HDAC9: variants seen among roughly 807,000 people sequenced by gnomAD.
The protein encoded by HDAC9 is histone deacetylase 9, also known as MEF-2 interacting transcription repressor (MITR) protein.
HDAC9 carries 41 observed loss-of-function variants against 139.4 expected under a neutral mutation model. The ratio of observed to expected loss-of-function variants is 0.29; its 90% CI spans 0.23 to 0.38. HDAC9 has a LOEUF of 0.38. Among genes scored for constraint, HDAC9 ranks in the 10% least tolerant of loss-of-function variants. HDAC9 has a pLI of 1.00. For synonymous variants in HDAC9, 517 were observed against 476.2 expected, an observed-to-expected ratio of 1.09 and a Z score of -1.12; for missense variants, 1,147 against 1,297.0, an observed-to-expected ratio of 0.88 and a Z score of 1.78.
chr7:18,684,501 C>A (rs1782122109), intron 12 of HDAC9, among the ~76,000 whole-genome samples: 1 of 151,514 alleles, frequency 6.6e-6, no homozygotes, highest in Non-Finnish European at 1.5e-5. Context: ...AACAATAAAA[C>A]TATACTGAAA....
intron 1 of HDAC9, among the ~76,000 whole-genome samples, chr7:18,481,737 T>C (rs1395986100): frequency 1.3e-5 from 2 of 152,216 alleles, no homozygotes; most frequent in Non-Finnish European, 2.9e-5. Flanking sequence ...AATGATGAGT[T>C]GTGATATGAA....
intron 16 of HDAC9, among the ~76,000 whole-genome samples, chr7:18,780,734 T>A (rs564971340): frequency 6.6e-6 from 1 of 152,152 alleles, no homozygotes; most frequent in East Asian, 1.9e-4. Context: ...GATTCTTTGG[T>A]TCTCATCCTT....
At chr7:18,669,412 C>T (rs1308774687) in intron 12 of HDAC9, among the ~76,000 whole-genome samples, 1 of 151,448 alleles carries the variant, frequency 6.6e-6, no homozygotes, top group Non-Finnish European at 1.5e-5. Context: ...ATTATAATAC[C>T]AGTGTGAGGA....
At chr7:18,636,667 AC>A (rs1333366506) in intron 8 of HDAC9, among the ~76,000 whole-genome samples, 1 of 151,922 alleles carries the variant, frequency 6.6e-6, no homozygotes, top group Non-Finnish European at 1.5e-5. Flanking sequence ...CTATCCTGTT[AC>A]CCCTCTTTAT....
At position 18,972,369 on chromosome 7, in the gene HDAC9, CTTTTTTTT is replaced by C. The variant is rs199909134; in HGVS notation, c.3023-3415_3023-3408del. ...TTAGCTCAATTTTCGATGAACTTCT[CTTTTTTTT>C]TTTTTTTTTTTTTTTTTTTTTGAGA... On this transcript the variant is annotated intron_variant, in intron 24 of 25. Transcript: ENST00000686413. 2.1e-3 allele frequency among the ~76,000 whole-genome samples: 195 copies of C among 94,886 alleles called. 1 individual carries two copies. Among genetic ancestry groups the C allele is most frequent in the Admixed American group, 3.7e-3 (31 of 8,310 alleles). The allele number at this position is 94,886 out of a possible 152,430, so 62.2% of individuals were successfully genotyped here.
At chr7:18,484,408 G>A (rs1165809707) in intron 1 of HDAC9, among the ~76,000 whole-genome samples, 3 of 151,700 alleles carry the variant, frequency 2.0e-5, no homozygotes, top group African/African-American at 7.3e-5. Flanking sequence ...TGATAATCAT[G>A]GGTTCTCATT....
chr7:18,147,147 G>A (rs1436924685), intron 1 of HDAC9, among the ~76,000 whole-genome samples: 1 of 151,796 alleles, frequency 6.6e-6, no homozygotes, highest in Non-Finnish European at 1.5e-5. Flanking sequence ...TTGTCTGAAA[G>A]GTGACAGTAT....
At chr7:18,931,706 T>C (rs185030937) in intron 22 of HDAC9, among the ~76,000 whole-genome samples, 1 of 152,302 alleles carries the variant, frequency 6.6e-6, no homozygotes, top group Admixed American at 6.5e-5. Context: ...CAACCTAATT[T>C]AGTTTCAGGC....
At chr7:18,226,555 A>T (rs577985287) in intron 2 of HDAC9, among the ~76,000 whole-genome samples, 1 of 152,214 alleles carries the variant, frequency 6.6e-6, no homozygotes, top group East Asian at 1.9e-4. Flanking sequence ...GGGAAGAATC[A>T]TTCCCTCCCA....
intron 2 of HDAC9, among the ~76,000 whole-genome samples, chr7:18,278,219 T>A (rs1268455246): frequency 1.3e-5 from 2 of 152,226 alleles, no homozygotes; most frequent in African/African-American, 2.4e-5. Flanking sequence ...ATCAGAACAC[T>A]GTGATCTGTG....
chr7:18,468,126 A>C (rs1010598941), intron 1 of HDAC9, among the ~76,000 whole-genome samples: 6 of 152,130 alleles, frequency 3.9e-5, no homozygotes, highest in Non-Finnish European at 7.4e-5. Flanking sequence ...GGCTGAGGTA[A>C]TGTTTGCTAG....
At chr7:18,305,181 ATGTTTG>A (rs1798827533) in intron 1 of HDAC9, among the ~76,000 whole-genome samples, 1 of 151,812 alleles carries the variant, frequency 6.6e-6, no homozygotes, top group South Asian at 2.1e-4. Flanking sequence ...TATAATTGTA[ATGTTTG>A]TGTTTGTTTT....
At chr7:18,802,245 T>A (rs1166222703) in intron 17 of HDAC9, among the ~76,000 whole-genome samples, 1 of 152,010 alleles carries the variant, frequency 6.6e-6, no homozygotes, top group African/African-American at 2.4e-5. Context: ...AAATGTCTTA[T>A]TTCCATTATC....
At chr7:18,548,867 T>C (rs1816125740) in intron 2 of HDAC9, among the ~76,000 whole-genome samples, 1 of 152,188 alleles carries the variant, frequency 6.6e-6, no homozygotes, top group Non-Finnish European at 1.5e-5. Context: ...TGTGGATAAA[T>C]TGGAGCGCTC....
chr7:18,625,946 CAAAAAAAAA>C (rs11312304), intron 6 of HDAC9, among the ~76,000 whole-genome samples: 2 of 60,944 alleles, frequency 3.3e-5, no homozygotes, highest in African/African-American at 8.5e-5. Context: ...GACTCCATCT[CAAAAAAAAA>C]AAAAAAAAAA....
intron 2 of HDAC9, among the ~76,000 whole-genome samples, chr7:18,170,380 C>T (rs577724788): frequency 2.0e-5 from 3 of 151,998 alleles, no homozygotes; most frequent in Non-Finnish European, 4.4e-5. Context: ...AAATTTTCTC[C>T]CATTCTGTAG....
chr7:18,156,313 A>C lies in HDAC9; in HGVS notation c.-96-5916A>C, dbSNP rs149711892. On this transcript the variant is annotated intron_variant, in intron 1 of 12. Coordinates refer to the HDAC9 transcript ENST00000417496. Reference sequence around the variant, plus strand: ...GAAGTGACCCTATCTTGGTCAACATATTTCATGGGCAAGGTCTGGGGATGT... The same window carrying C: ...GAAGTGACCCTATCTTGGTCAACATCTTTCATGGGCAAGGTCTGGGGATGT... Among the ~76,000 whole-genome samples the C allele has an allele frequency of 2.6e-5, 4 of 152,298 alleles. No individual in the cohort carries two copies. The East Asian group carries it at 7.7e-4, about 29-fold the overall frequency.
chr7:18,442,437 A>G (rs1791875642), intron 1 of HDAC9, among the ~76,000 whole-genome samples: 1 of 152,202 alleles, frequency 6.6e-6, no homozygotes, highest in African/African-American at 2.4e-5. Context: ...ACATTCCTTC[A>G]AAGCTGAGAC....
chr7:18,608,399 A>G (rs971958405), intron 6 of HDAC9, among the ~76,000 whole-genome samples: 2 of 152,062 alleles, frequency 1.3e-5, no homozygotes, highest in Non-Finnish European at 2.9e-5. Flanking sequence ...ATTTTGCTTT[A>G]TGTGTATCAG....
Sources: allele counts gnomAD v4.1 joint callset (sites outside exome capture counted in the v4.1 genomes callset), GRCh38; gene constraint gnomAD v4.1.1; transcripts MANE v1.5; gene names NCBI Gene and HGNC (gene_info 2026-07-23, HGNC 2026-07-21).